The following SH3D19 variants were observed in gnomAD, a reference collection of about 807,000 sequenced individuals.
SH3D19 encodes SH3 domain-containing protein 19.
In SH3D19, 58 loss-of-function variants were observed where a neutral mutation model predicts 112.1. That is an observed-to-expected ratio of 0.52 (90% CI 0.42 to 0.64). The LOEUF is 0.64. Among genes scored for constraint, SH3D19 ranks in the 30% least tolerant of loss-of-function variants. The probability of loss-of-function intolerance (pLI) is 0.00; values close to 1 mark genes in which losing one functional copy is unlikely to be tolerated. For missense variants in SH3D19, 1,090 were observed against 1,263.4 expected, an observed-to-expected ratio of 0.86 and a Z score of 2.08; for synonymous variants, 391 against 448.5, an observed-to-expected ratio of 0.87 and a Z score of 1.62.
intron 1 of SH3D19, among the ~76,000 whole-genome samples, chr4:151,274,531 G>A (rs1773445416): frequency 6.6e-6 from 1 of 152,192 alleles, no homozygotes; most frequent in East Asian, 1.9e-4. Flanking sequence ...AACAACTTGA[G>A]CAGTTTATAG....
intron 3 of SH3D19, among the ~76,000 whole-genome samples, chr4:151,183,152 G>A (rs1418906650): frequency 6.6e-6 from 1 of 151,566 alleles, no homozygotes; most frequent in Non-Finnish European, 1.5e-5. Flanking sequence ...CCACTGCGCC[G>A]GGTTAATTTT....
chr4:151,146,314 TAA>T (rs1179392152), intron 11 of SH3D19, among the ~76,000 whole-genome samples: 1 of 151,884 alleles, frequency 6.6e-6, no homozygotes, highest in African/African-American at 2.4e-5. Flanking sequence ...TTTTTTTTTT[TAA>T]AAAAGAGTCT....
intron 12 of SH3D19, among the ~76,000 whole-genome samples, chr4:151,141,939 A>G (rs1478577258): frequency 6.6e-6 from 1 of 152,154 alleles, no homozygotes; most frequent in East Asian, 1.9e-4. Flanking sequence ...CAGTGTATGG[A>G]TATCACTGGC....
intron 1 of SH3D19, among the ~76,000 whole-genome samples, chr4:151,298,378 A>G (rs575052071): frequency 9.2e-5 from 14 of 151,908 alleles, no homozygotes; most frequent in Admixed American, 3.9e-4. Context: ...AAGTTTCACC[A>G]TGTTGGCTAG....
At chr4:151,292,437 C>CT (rs1173639094) in intron 1 of SH3D19, among the ~76,000 whole-genome samples, 4 of 152,182 alleles carry the variant, frequency 2.6e-5, no homozygotes, top group Non-Finnish European at 5.9e-5. Context: ...ATCTCAAGAG[C>CT]TGAGGTCTTG....
At chr4:151,182,507 C>T (rs538564944) in intron 3 of SH3D19, among the ~76,000 whole-genome samples, 6 of 152,280 alleles carry the variant, frequency 3.9e-5, no homozygotes, top group Non-Finnish European at 5.9e-5. Context: ...GTGGCACTGC[C>T]GCTGAAGAAC....
At chr4:151,271,971 T>C (rs1773260507) in intron 1 of SH3D19, among the ~76,000 whole-genome samples, 1 of 152,128 alleles carries the variant, frequency 6.6e-6, no homozygotes, top group Admixed American at 6.6e-5. Context: ...ATCTAAGACC[T>C]GAAGACACGG....
At chr4:151,127,195 C>T (rs1248110350) in intron 19 of SH3D19, among the ~76,000 whole-genome samples, 5 of 152,178 alleles carry the variant, frequency 3.3e-5, no homozygotes, top group Non-Finnish European at 7.3e-5. Context: ...TCTTATGAGG[C>T]TACTATGCTA....
Position 151,325,462 on chromosome 4 carries a change from C to G in SH3D19, c.-110G>C. 1 of 452,418 alleles carries G rather than the reference C, an allele frequency of 2.2e-6. No homozygotes were observed. Among genetic ancestry groups the G allele is most frequent in the Non-Finnish European group, 3.4e-6 (1 of 296,586 alleles). The allele number at this position is 452,418 out of a possible 1,614,324, so 28.0% of individuals were successfully genotyped here. A position where few individuals can be genotyped will look rare whatever the true frequency, so the allele number is the denominator to read the frequency against. ...CACCGCCCTCGGGCCGGGGGGAAGG[C>G]GGCTCCCGGAGAGGAGGCGTCGGCG... On this transcript the variant is annotated 5_prime_UTR_variant, in exon 1 of 20. Transcript: ENST00000604030.
chr4:151,159,825 GCA>G (rs1336663332), intron 8 of SH3D19, among the ~76,000 whole-genome samples: 3 of 152,052 alleles, frequency 2.0e-5, no homozygotes, highest in Non-Finnish European at 4.4e-5. Context: ...GTGGCTACCA[GCA>G]CAGTTAAAGA....
chr4:151,323,422 A>G (rs1242189769), intron 1 of SH3D19, among the ~76,000 whole-genome samples: 1 of 152,242 alleles, frequency 6.6e-6, no homozygotes, highest in African/African-American at 2.4e-5. Context: ...CAAATGCCCA[A>G]GCTTGGTAAG....
At chr4:151,185,242 T>C (rs149749256) in intron 3 of SH3D19, among the ~76,000 whole-genome samples, 2,123 of 152,120 alleles carry the variant, frequency 0.014, 50 homozygotes, top group African/African-American at 0.048. Context: ...CCCACAGATA[T>C]GACTCAGTGA....
At chr4:151,146,864 A>G (rs897037734) in intron 11 of SH3D19, among the ~76,000 whole-genome samples, 1 of 152,218 alleles carries the variant, frequency 6.6e-6, no homozygotes, top group African/African-American at 2.4e-5. Context: ...AATGCAGGCA[A>G]AGGTTTAGGT....
At chr4:151,138,891 A>G (rs1380628112) in intron 13 of SH3D19, among the ~76,000 whole-genome samples, 2 of 152,084 alleles carry the variant, frequency 1.3e-5, no homozygotes, top group Non-Finnish European at 2.9e-5. Context: ...GCAACGGCAC[A>G]ATCTTAGCTC....
intron 1 of SH3D19, among the ~76,000 whole-genome samples, chr4:151,285,933 A>G (rs1160639491): frequency 1.3e-5 from 2 of 151,742 alleles, no homozygotes; most frequent in African/African-American, 2.4e-5. Context: ...GATGGCACAT[A>G]CCTGTAATCG....
intron 1 of SH3D19, among the ~76,000 whole-genome samples, chr4:151,286,265 T>C (rs1271195316): frequency 1.1e-5 from 1 of 89,464 alleles, no homozygotes; most frequent in African/African-American, 4.2e-5. Flanking sequence ...ATTACTGAAA[T>C]AGAGAACAGA....
chr4:151,219,329 A>G (rs1415850824), intron 2 of SH3D19, among the ~76,000 whole-genome samples: 2 of 151,858 alleles, frequency 1.3e-5, no homozygotes, highest in Non-Finnish European at 2.9e-5. Flanking sequence ...CCTCTCAGTA[A>G]TTTTCTATCC....
At chr4:151,284,986 G>A (rs191448640) in intron 1 of SH3D19, among the ~76,000 whole-genome samples, 54 of 152,172 alleles carry the variant, frequency 3.5e-4, no homozygotes, top group Admixed American at 9.2e-4. Flanking sequence ...AACTGCTAAG[G>A]TAGCTCTGAA....
intron 19 of SH3D19, among the ~76,000 whole-genome samples, chr4:151,125,890 A>C (rs1410249145): frequency 6.6e-6 from 1 of 151,284 alleles, no homozygotes; most frequent in East Asian, 1.9e-4. Flanking sequence ...AATAAGAAAT[A>C]TCTATTATTT....
Sources: gnomAD v4.1 joint callset for allele counts (sites outside exome capture counted in the v4.1 genomes callset) on GRCh38, gnomAD v4.1.1 for gene constraint, MANE v1.5 for transcripts, NCBI Gene and HGNC (gene_info 2026-07-23, HGNC 2026-07-21) for gene names.